Variants in PRELID2 observed in about 807,000 individuals in gnomAD.
PRELID2 encodes the protein PRELI domain containing 2.
PRELID2 carries 25 observed loss-of-function variants against 28.4 expected under a neutral mutation model. That is an observed-to-expected ratio of 0.88 (90% CI 0.64 to 1.23). The LOEUF (loss-of-function observed/expected upper bound fraction) is 1.23, where lower values mean the gene tolerates loss of function less well. Among genes scored for constraint, PRELID2 ranks in the 50% most tolerant of loss-of-function variants. The probability of loss-of-function intolerance (pLI) is 0.00; values close to 1 mark genes in which losing one functional copy is unlikely to be tolerated. For missense variants in PRELID2, 201 were observed against 214.4 expected, an observed-to-expected ratio of 0.94 and a Z score of 0.39; for synonymous variants, 76 against 71.6, an observed-to-expected ratio of 1.06 and a Z score of -0.31.
At chr5:145,259,578 G>T in the PRELID2 span, among the ~76,000 whole-genome samples, 2 of 152,244 alleles carry the variant, frequency 1.3e-5, no homozygotes, top group Non-Finnish European at 2.9e-5. Flanking sequence ...TTTTCGACTT[G>T]CATGGAACAT....
intron 5 of PRELID2, among the ~76,000 whole-genome samples, chr5:145,782,815 T>C (rs1751722071): frequency 6.6e-6 from 1 of 152,230 alleles, no homozygotes; most frequent in African/African-American, 2.4e-5. Flanking sequence ...TTAAAGACTA[T>C]TTGTCAGACA....
the PRELID2 span, among the ~76,000 whole-genome samples, chr5:145,307,098 T>G: frequency 2.0e-5 from 3 of 152,218 alleles, no homozygotes; most frequent in Non-Finnish European, 4.4e-5. Context: ...TTTTCTTCTA[T>G]TCCTTGCTTC....
At chr5:145,257,998 C>T in the PRELID2 span, among the ~76,000 whole-genome samples, 29 of 152,264 alleles carry the variant, frequency 1.9e-4, no homozygotes, top group African/African-American at 6.7e-4. Context: ...GTATGCAGCA[C>T]ATCCCCCTTC....
Position 145,495,988 on chromosome 5 carries a change from C to T in PRELID2, n.71-22673G>A, listed in dbSNP as rs141765513. Among the ~76,000 whole-genome samples, 80 of 152,226 alleles carry T rather than the reference C, an allele frequency of 5.3e-4. 1 individual carries two copies. The East Asian group carries it at 0.015, about 28-fold the overall frequency. On this transcript the variant is annotated intron_variant and non_coding_transcript_variant, in intron 1 of 2. Coordinates refer to the PRELID2 transcript ENST00000510259. ...TGTGCCCTTTATATAATGCTAAGTT[C>T]CTTCACAGCTTTAGCTCAGATACCA...
chr5:145,550,836 A>AT, intron 1 of PRELID2, among the ~76,000 whole-genome samples: 1 of 152,172 alleles, frequency 6.6e-6, no homozygotes, highest in Non-Finnish European at 1.5e-5. Context: ...AAAGTTTACT[A>AT]TTTTTTTCTT....
chr5:145,574,295 T>C (rs1033663870), intron 1 of PRELID2, among the ~76,000 whole-genome samples: 1 of 152,184 alleles, frequency 6.6e-6, no homozygotes, highest in Non-Finnish European at 1.5e-5. Flanking sequence ...CAGAAATTAA[T>C]GCAACTCTGC....
chr5:145,499,219 G>A (rs2126632486), intron 1 of PRELID2, among the ~76,000 whole-genome samples: 1 of 152,218 alleles, frequency 6.6e-6, no homozygotes, highest in South Asian at 2.1e-4. Flanking sequence ...CTGCACTCCA[G>A]CCTAGACAAC....
chr5:145,362,380 C>A, the PRELID2 span, among the ~76,000 whole-genome samples: 2 of 152,078 alleles, frequency 1.3e-5, no homozygotes, highest in African/African-American at 2.4e-5. Flanking sequence ...CAAGGTTAAG[C>A]ACTTTCTGCA....
chr5:145,659,952 G>A (rs1754462387), intron 1 of PRELID2, among the ~76,000 whole-genome samples: 1 of 152,058 alleles, frequency 6.6e-6, no homozygotes, highest in African/African-American at 2.4e-5. Flanking sequence ...GACCTACAAT[G>A]CAAAATAATA....
intron 1 of PRELID2, among the ~76,000 whole-genome samples, chr5:145,717,045 T>C (rs1755863030): frequency 6.6e-6 from 1 of 152,130 alleles, no homozygotes; most frequent in Non-Finnish European, 1.5e-5. Flanking sequence ...TAAAAATAAG[T>C]ACGTGAAACT....
At chr5:145,742,057 A>T (rs1408100866) in intron 1 of PRELID2, among the ~76,000 whole-genome samples, 1 of 107,536 alleles carries the variant, frequency 9.3e-6, no homozygotes, top group Non-Finnish European at 1.7e-5. Flanking sequence ...AAATTTTATT[A>T]ATTTATTTAT....
At chr5:145,662,091 TTG>T (rs1754506125) in intron 1 of PRELID2, among the ~76,000 whole-genome samples, 1 of 152,136 alleles carries the variant, frequency 6.6e-6, no homozygotes, top group African/African-American at 2.4e-5. Context: ...ATGCAGGCAC[TTG>T]TCTAGATCAA....
chr5:145,623,375 G>A (rs1313514499), intron 1 of PRELID2, among the ~76,000 whole-genome samples: 1 of 151,860 alleles, frequency 6.6e-6, no homozygotes, highest in Admixed American at 6.6e-5. Flanking sequence ...TTGAACCCAG[G>A]AGGCAGAGGT....
chr5:145,329,442 C>G, the PRELID2 span, among the ~76,000 whole-genome samples: 2 of 152,120 alleles, frequency 1.3e-5, no homozygotes, highest in African/African-American at 4.8e-5. Context: ...TATTTGTGTT[C>G]TCTCTTATTT....
At chr5:145,456,609 C>A in the PRELID2 span, among the ~76,000 whole-genome samples, 4 of 152,120 alleles carry the variant, frequency 2.6e-5, no homozygotes, top group Non-Finnish European at 5.9e-5. Context: ...ATCAAATTTG[C>A]TTTTTCTACT....
the PRELID2 span, among the ~76,000 whole-genome samples, chr5:145,441,698 C>T: frequency 6.6e-6 from 1 of 152,076 alleles, no homozygotes; most frequent in Non-Finnish European, 1.5e-5. Context: ...TCCAGGAATC[C>T]CTTCTTTTCA....
chr5:145,254,541 T>C, the PRELID2 span, among the ~76,000 whole-genome samples: 1 of 152,066 alleles, frequency 6.6e-6, no homozygotes, highest in Non-Finnish European at 1.5e-5. Context: ...CACAGGCTCA[T>C]GTACCTGTTT....
chr5:145,285,904 A>G, the PRELID2 span, among the ~76,000 whole-genome samples: 1 of 152,306 alleles, frequency 6.6e-6, no homozygotes, highest in African/African-American at 2.4e-5. Flanking sequence ...GCTCCACTCT[A>G]CAGATCTTTA....
intron 1 of PRELID2, among the ~76,000 whole-genome samples, chr5:145,556,459 C>G (rs1752880996): frequency 6.6e-6 from 1 of 152,094 alleles, no homozygotes; most frequent in Non-Finnish European, 1.5e-5. Context: ...TTTCTCAGTG[C>G]TATTTATTTC....
Sources: allele counts gnomAD v4.1 joint callset (sites outside exome capture counted in the v4.1 genomes callset), GRCh38; gene constraint gnomAD v4.1.1; transcripts MANE v1.5; gene names NCBI Gene and HGNC (gene_info 2026-07-23, HGNC 2026-07-21).